The following MCUB variants were observed in gnomAD, a reference collection of about 807,000 sequenced individuals.
MCUB encodes the protein mitochondrial calcium uniporter dominant negative subunit beta.
In MCUB, 46 loss-of-function variants were observed where a neutral mutation model predicts 41.4. That is an observed-to-expected ratio of 1.11 (90% CI 0.88 to 1.42). The LOEUF (loss-of-function observed/expected upper bound fraction) is 1.42, where lower values mean the gene tolerates loss of function less well. Among genes scored for constraint, MCUB ranks in the 40% most tolerant of loss-of-function variants. The probability of loss-of-function intolerance (pLI) is 0.00; values close to 1 mark genes in which losing one functional copy is unlikely to be tolerated. For missense variants in MCUB, 403 were observed against 404.9 expected (o/e 1.00, Z 0.04); for synonymous variants, 148 against 148.2 (o/e 1.00, Z 0.01).
At chr4:109,660,495 T>G in intron 3 of MCUB, 130 bp downstream of exon 3, 1 of 513,178 alleles carries the variant, frequency 1.9e-6, no homozygotes, top group Non-Finnish European at 3.4e-6. Context: ...TCTTTATTCT[T>G]TCATTTTTAT....
At chr4:109,668,126 CTA>C (rs2126146850) in intron 4 of MCUB, among the ~76,000 whole-genome samples, 1 of 152,204 alleles carries the variant, frequency 6.6e-6, no homozygotes, top group East Asian at 1.9e-4. Context: ...GTTGGATAGT[CTA>C]TAGATGTCAC....
intron 1 of MCUB, among the ~76,000 whole-genome samples, chr4:109,632,243 T>A (rs943764146): frequency 3.3e-5 from 5 of 152,208 alleles, no homozygotes; most frequent in Admixed American, 3.3e-4. Context: ...ATTCTTCTTT[T>A]TCTTAAACAG....
intron 4 of MCUB, among the ~76,000 whole-genome samples, chr4:109,674,895 T>C (rs1324101971): frequency 6.6e-6 from 1 of 152,248 alleles, no homozygotes; most frequent in Non-Finnish European, 1.5e-5. Flanking sequence ...ATTGTAAACA[T>C]TGAACTGAAC....
chr4:109,685,232 C>G lies in MCUB; in HGVS notation c.817-19C>G, dbSNP rs770439088. 1 of 928,464 alleles carries G rather than the reference C, an allele frequency of 1.1e-6. No homozygotes were observed. The highest frequency in any genetic ancestry group is 1.6e-6 in the Non-Finnish European group (1 of 608,388). 57.5% of individuals were successfully genotyped at this position (928,464 alleles called of 1,614,324 possible). On this transcript the variant is annotated intron_variant, in intron 6 of 7. Coordinates refer to ENST00000394650, the MANE Select transcript of MCUB (RefSeq NM_017918.5). ...CATTCAAAACATGTTGTTTTCTTCT[C>G]TCTCTCTTTTTTTTTAAGGATTATA...
chr4:109,659,185 C>A, intron 2 of MCUB, 99 bp downstream of exon 2: 1 of 748,234 alleles, frequency 1.3e-6, no homozygotes, highest in Non-Finnish European at 2.3e-6. Flanking sequence ...ACTTTTCTTA[C>A]ACTATCCCCA....
rs1438779273 is a variant in MCUB at position 109,688,459 on chromosome 4, TACA to T, written c.*872_*874del. The T allele has an allele frequency of 2.0e-5, 3 of 152,206 alleles. No individual in the cohort carries two copies. The highest frequency in any genetic ancestry group is 4.8e-5 in the African/African-American group (2 of 41,456). The allele number at this position is 152,206 out of a possible 1,614,324, so 9.4% of individuals were successfully genotyped here. A position where few individuals can be genotyped will look rare whatever the true frequency, so the allele number is the denominator to read the frequency against. On this transcript the variant is annotated 3_prime_UTR_variant, in exon 8 of 8. Transcript: ENST00000394650. ...TTTCTATTTCATCCTCAGAATGCCATACAACAATTCTGGAATGCTGATTTTTTT... is the reference window on the plus strand; with the variant it reads ...TTTCTATTTCATCCTCAGAATGCCATACAATTCTGGAATGCTGATTTTTTT...
rs181043354 is a variant in MCUB at position 109,602,132 on chromosome 4, G to A, written c.99+41696G>A. Reference sequence around the variant, plus strand: ...CTGGTTATTAATCCCTTGTCAGATGGGTAGTTTACAGATATTTTCTGCCAC... The same window carrying A: ...CTGGTTATTAATCCCTTGTCAGATGAGTAGTTTACAGATATTTTCTGCCAC... On this transcript the variant is annotated intron_variant, in intron 1 of 7. Transcript: ENST00000394650. Among the ~76,000 whole-genome samples, 9 of 152,082 alleles carry A rather than the reference G, an allele frequency of 5.9e-5. No homozygotes were observed. In the East Asian group the frequency reaches 1.7e-3, roughly 29 times the overall value.
chr4:109,659,086 G>A lies in MCUB; in HGVS notation c.175G>A (p.Glu59Lys). The change falls in exon 2 of 8, where the codon GAA (glutamate) becomes AAA (lysine). Residue 59 changes from glutamate (E) to lysine (K), a missense_variant and splice_region_variant. By Grantham distance (56) the Glu-to-Lys change is moderately conservative. Transcript: ENST00000394650. ...HHYSTVVPPD[E>K]ITVIYRHGLP... ...TTATAGTACCGTGGTGCCACCTGAT[G>A]GTAAGCTTTCTTACCATTTATTTGA... 6.9e-6 allele frequency: 10 copies of A among 1,457,062 alleles called. No homozygotes were observed. The highest frequency in any genetic ancestry group is 9.4e-6 in the Non-Finnish European group (10 of 1,060,752). 90.3% of individuals were successfully genotyped at this position (1,457,062 alleles called of 1,614,324 possible). A position where few individuals can be genotyped will look rare whatever the true frequency, so the allele number is the denominator to read the frequency against.
intron 4 of MCUB, among the ~76,000 whole-genome samples, chr4:109,672,623 T>C (rs1729482610): frequency 6.6e-6 from 1 of 152,226 alleles, no homozygotes; most frequent in Non-Finnish European, 1.5e-5. Context: ...GTGCTGAGCA[T>C]CTACTGGTAA....
Position 109,575,068 on chromosome 4 carries a change from G to A in MCUB, c.99+14632G>A, listed in dbSNP as rs540735640. 5.9e-5 allele frequency among the ~76,000 whole-genome samples: 9 copies of A among 152,352 alleles called. No homozygotes were observed. In the East Asian group the frequency reaches 1.5e-3, roughly 26 times the overall value. On this transcript the variant is annotated intron_variant, in intron 1 of 7. Coordinates refer to ENST00000394650, the MANE Select transcript of MCUB (RefSeq NM_017918.5). Reference sequence around the variant, plus strand: ...GCTGCCGCAGGTCAGAATGGAAGCTGAGGTGATCTTAATCTCTACGCTTCC... The same window carrying A: ...GCTGCCGCAGGTCAGAATGGAAGCTAAGGTGATCTTAATCTCTACGCTTCC...
intron 1 of MCUB, among the ~76,000 whole-genome samples, chr4:109,573,381 A>T (rs1726958817): frequency 6.6e-6 from 1 of 151,062 alleles, no homozygotes; most frequent in South Asian, 2.1e-4. Flanking sequence ...TAAACCTGGG[A>T]GGTGGAGCTT....
intron 1 of MCUB, among the ~76,000 whole-genome samples, chr4:109,651,630 T>C (rs1191301529): frequency 6.6e-6 from 1 of 152,232 alleles, no homozygotes; most frequent in African/African-American, 2.4e-5. Context: ...TTTAATTTCA[T>C]TTAATTATAT....
chr4:109,591,660 T>C (rs1370897173), intron 1 of MCUB, among the ~76,000 whole-genome samples: 2 of 152,122 alleles, frequency 1.3e-5, no homozygotes, highest in African/African-American at 4.8e-5. Context: ...AGAGAGAGAA[T>C]TTTTGAGTTG....
chr4:109,659,001 C>A lies in MCUB; in HGVS notation c.100-10C>A. 1.3e-6 allele frequency: 2 copies of A among 1,483,962 alleles called. No individual in the cohort carries two copies. Among genetic ancestry groups the A allele is most frequent in the Non-Finnish European group, 1.8e-6 (2 of 1,086,528 alleles). The allele number at this position is 1,483,962 out of a possible 1,614,324, so 91.9% of individuals were successfully genotyped here. On this transcript the variant is annotated splice_polypyrimidine_tract_variant and intron_variant, in intron 1 of 7. Transcript: ENST00000394650. ...TTTTAAAAAAACAAATTAATTTTTC[C>A]TTCTTGTAGGTTTTGCGTGTGAAGC...
chr4:109,666,579 C>T (rs552596946), intron 4 of MCUB, among the ~76,000 whole-genome samples: 1 of 152,242 alleles, frequency 6.6e-6, no homozygotes, highest in South Asian at 2.1e-4. Context: ...GCCTATTTGC[C>T]ATCTATGTCT....
At chr4:109,564,230 T>A (rs780153741) in intron 1 of MCUB, among the ~76,000 whole-genome samples, 1 of 151,512 alleles carries the variant, frequency 6.6e-6, no homozygotes, top group Non-Finnish European at 1.5e-5. Context: ...CCTCCCGGGT[T>A]CAAACGATTC....
At chr4:109,631,757 C>T (rs1389693257) in intron 1 of MCUB, among the ~76,000 whole-genome samples, 6 of 152,192 alleles carry the variant, frequency 3.9e-5, no homozygotes, top group South Asian at 2.1e-4. Flanking sequence ...AACAGTAGAT[C>T]GGTACTGTCC....
At chr4:109,628,496 G>A (rs746666181) in intron 1 of MCUB, among the ~76,000 whole-genome samples, 3 of 152,220 alleles carry the variant, frequency 2.0e-5, no homozygotes, top group Non-Finnish European at 2.9e-5. Flanking sequence ...CAGGAAACCA[G>A]TTAGGAGGCA....
chr4:109,617,138 G>A (rs932861425), intron 1 of MCUB, among the ~76,000 whole-genome samples: 2 of 152,094 alleles, frequency 1.3e-5, no homozygotes, highest in Admixed American at 1.3e-4. Flanking sequence ...AATGATTTAT[G>A]CAAATTAATA....
Sources: allele counts gnomAD v4.1 joint callset (sites outside exome capture counted in the v4.1 genomes callset), GRCh38; gene constraint gnomAD v4.1.1; transcripts MANE v1.5; gene names NCBI Gene and HGNC (gene_info 2026-07-23, HGNC 2026-07-21).